Variants in LDLRAD3 observed in about 807,000 individuals in gnomAD.
The protein encoded by LDLRAD3 is low-density lipoprotein receptor class A domain-containing protein 3.
A neutral mutation model predicts 29.4 loss-of-function variants in LDLRAD3; 20 were observed. The observed-to-expected ratio is 0.68, with a 90% CI of 0.48 to 0.99. The LOEUF is 0.99. LDLRAD3 is among the 50% of genes least tolerant of loss of function. The pLI is 0.00. For synonymous variants in LDLRAD3, 157 were observed against 192.7 expected (o/e 0.81, Z 1.53); for missense variants, 420 against 454.3 (o/e 0.92, Z 0.69).
chr11:36,123,038 T>C (rs1177757923), intron 4 of LDLRAD3, among the ~76,000 whole-genome samples: 1 of 151,860 alleles, frequency 6.6e-6, no homozygotes, highest in Non-Finnish European at 1.5e-5. Context: ...AATTTAAAAA[T>C]CAGCCAGACA....
At position 36,093,825 on chromosome 11, in the gene LDLRAD3, T is replaced by C. The variant is rs796322951; in HGVS notation, c.320-4502T>C. Reference sequence around the variant, plus strand: ...AGTGGAGAGGGGATGCAGGGGTGGTTTTCTCTCCCAGTGTGTCTGGGTCCA... The same window carrying C: ...AGTGGAGAGGGGATGCAGGGGTGGTCTTCTCTCCCAGTGTGTCTGGGTCCA... On this transcript the variant is annotated intron_variant, in intron 3 of 5. Transcript: ENST00000315571. 1.4e-4 allele frequency among the ~76,000 whole-genome samples: 21 copies of C among 152,192 alleles called. 1 individual carries two copies. Among genetic ancestry groups the C allele is most frequent in the African/African-American group, 5.1e-4 (21 of 41,528 alleles).
At chr11:36,064,318 T>C (rs1370920756) in intron 2 of LDLRAD3, among the ~76,000 whole-genome samples, 4 of 152,090 alleles carry the variant, frequency 2.6e-5, no homozygotes. Context: ...TAAAAAATTT[T>C]TGAGACAGGA....
intron 4 of LDLRAD3, among the ~76,000 whole-genome samples, chr11:36,202,976 G>A (rs1166201329): frequency 1.3e-5 from 2 of 152,012 alleles, no homozygotes; most frequent in Admixed American, 6.6e-5. Context: ...TTGCTCTGTC[G>A]CCCAGGCTGG....
intron 1 of LDLRAD3, among the ~76,000 whole-genome samples, chr11:35,983,845 G>A (rs1851575534): frequency 1.3e-5 from 2 of 151,988 alleles, no homozygotes; most frequent in African/African-American, 2.4e-5. Flanking sequence ...GGCTGGCCTC[G>A]AACTCCTGAC....
chr11:36,199,248 A>C (rs775698477), intron 4 of LDLRAD3, among the ~76,000 whole-genome samples: 4 of 152,172 alleles, frequency 2.6e-5, no homozygotes, highest in Non-Finnish European at 5.9e-5. Context: ...GAGCCAGAGC[A>C]CTAAAGGATC....
intron 1 of LDLRAD3, among the ~76,000 whole-genome samples, chr11:35,996,344 A>G (rs997993838): frequency 2.0e-5 from 3 of 152,316 alleles, no homozygotes; most frequent in Non-Finnish European, 4.4e-5. Context: ...GTAAGAGCTC[A>G]TGTATTTATT....
rs141782358 is a variant in LDLRAD3 at position 36,080,648 on chromosome 11, C to T, written c.194-1005C>T. Reference sequence around the variant, plus strand: ...GCTCCCAAGACCACCCCAGATTCAGCGATTTGCCAGGAGGATTCACAGGAC... The same window carrying T: ...GCTCCCAAGACCACCCCAGATTCAGTGATTTGCCAGGAGGATTCACAGGAC... On this transcript the variant is annotated intron_variant, in intron 2 of 5. Transcript: ENST00000315571. Among the ~76,000 whole-genome samples, 8 of 152,254 alleles carry T rather than the reference C, an allele frequency of 5.3e-5. No individual in the cohort carries two copies. In the South Asian group the frequency reaches 8.3e-4, roughly 16 times the overall value.
At chr11:36,184,037 C>A in intron 4 of LDLRAD3, 1 of 303,512 alleles carries the variant, frequency 3.3e-6, no homozygotes, top group African/African-American at 2.4e-5. Flanking sequence ...CACATCTCGG[C>A]TCACCGCAAC....
At chr11:36,147,432 TA>T (rs2133324031) in intron 4 of LDLRAD3, among the ~76,000 whole-genome samples, 1 of 152,240 alleles carries the variant, frequency 6.6e-6, no homozygotes, top group African/African-American at 2.4e-5. Flanking sequence ...TATTTACTTT[TA>T]AAAGGACACC....
chr11:35,978,739 A>C (rs1312431292), intron 1 of LDLRAD3, among the ~76,000 whole-genome samples: 1 of 152,240 alleles, frequency 6.6e-6, no homozygotes, highest in African/African-American at 2.4e-5. Context: ...AGTCCAGGAT[A>C]GTCAGCTCAA....
At chr11:36,193,060 A>G (rs908366822) in intron 4 of LDLRAD3, among the ~76,000 whole-genome samples, 1 of 152,224 alleles carries the variant, frequency 6.6e-6, no homozygotes, top group South Asian at 2.1e-4. Context: ...TTTAGCACCT[A>G]TCATACATTA....
chr11:36,063,748 A>G (rs1277240007), intron 2 of LDLRAD3, among the ~76,000 whole-genome samples: 2 of 152,182 alleles, frequency 1.3e-5, no homozygotes, highest in Non-Finnish European at 2.9e-5. Flanking sequence ...TAGACACTCA[A>G]TTTTATTTTA....
chr11:35,963,871 T>C (rs1055728345), intron 1 of LDLRAD3, among the ~76,000 whole-genome samples: 3 of 152,172 alleles, frequency 2.0e-5, no homozygotes, highest in African/African-American at 7.2e-5. Context: ...GAAGAATTTA[T>C]GAAAAGAGGG....
chr11:36,094,899 C>A (rs118050656), intron 3 of LDLRAD3, among the ~76,000 whole-genome samples: 1 of 152,292 alleles, frequency 6.6e-6, no homozygotes, highest in Non-Finnish European at 1.5e-5. Flanking sequence ...ATTTTTGTTT[C>A]TTCAAGAGTC....
chr11:36,108,962 G>T (rs1231626385), intron 4 of LDLRAD3, among the ~76,000 whole-genome samples: 1 of 152,046 alleles, frequency 6.6e-6, no homozygotes, highest in Non-Finnish European at 1.5e-5. Flanking sequence ...AGGGTAAGGG[G>T]GGATTCTGAC....
At chr11:36,114,273 T>C (rs1853644715) in intron 4 of LDLRAD3, among the ~76,000 whole-genome samples, 7 of 152,146 alleles carry the variant, frequency 4.6e-5, no homozygotes, top group Admixed American at 4.6e-4. Context: ...CTCCTTGGGC[T>C]CACTCAAGTG....
At chr11:35,995,069 C>A (rs181385065) in intron 1 of LDLRAD3, among the ~76,000 whole-genome samples, 1 of 152,328 alleles carries the variant, frequency 6.6e-6, no homozygotes, top group African/African-American at 2.4e-5. Flanking sequence ...TGACCTCCCA[C>A]GAATCACAGA....
At chr11:36,171,752 AT>A (rs760885138) in intron 4 of LDLRAD3, among the ~76,000 whole-genome samples, 9 of 152,156 alleles carry the variant, frequency 5.9e-5, no homozygotes, top group Non-Finnish European at 1.0e-4. Flanking sequence ...AAGTTGGATA[AT>A]GTGATGCCTC....
intron 4 of LDLRAD3, among the ~76,000 whole-genome samples, chr11:36,167,357 T>G (rs1565273875): frequency 6.6e-6 from 1 of 152,190 alleles, no homozygotes; most frequent in Non-Finnish European, 1.5e-5. Context: ...TCTGGACTGG[T>G]GGTGGACTAA....
Sources: allele counts gnomAD v4.1 joint callset (sites outside exome capture counted in the v4.1 genomes callset), GRCh38; gene constraint gnomAD v4.1.1; transcripts MANE v1.5; gene names NCBI Gene and HGNC (gene_info 2026-07-23, HGNC 2026-07-21).